ARMC3: variants seen among roughly 807,000 people sequenced by gnomAD.
ARMC3 encodes the protein armadillo repeat containing 3.
A neutral mutation model predicts 90.3 loss-of-function variants in ARMC3; 74 were observed. The observed-to-expected ratio is 0.82, with a 90% CI of 0.68 to 0.99. The LOEUF (loss-of-function observed/expected upper bound fraction) is 0.99. ARMC3 is among the 50% of genes least tolerant of loss of function. ARMC3 has a pLI of 0.00. For missense variants in ARMC3, 958 were observed against 1,042.8 expected, an observed-to-expected ratio of 0.92 and a Z score of 1.12; for synonymous variants, 334 against 361.8, an observed-to-expected ratio of 0.92 and a Z score of 0.87.
At position 22,959,302 on chromosome 10, in the gene ARMC3, T is replaced by TA; in HGVS notation, c.362-96dup. ...TAAAAGAGGTGAGCTTTAAGCAAGA[T>TA]ACAATTTGTGGAGCTTTGGTTTCCA... is the stretch of plus-strand genomic sequence containing the variant. On this transcript the variant is annotated intron_variant, in intron 5 of 18. Coordinates refer to ENST00000298032, the MANE Select transcript of ARMC3 (RefSeq NM_173081.5). 2.2e-6 allele frequency: 3 copies of TA among 1,380,686 alleles called. No individual in the cohort carries two copies. The South Asian group carries it at 4.1e-5, about 19-fold the overall frequency. 85.5% of individuals were successfully genotyped at this position (1,380,686 alleles called of 1,614,324 possible).
chr10:22,962,077 A>C lies in ARMC3; in HGVS notation c.731A>C (p.Lys244Thr), dbSNP rs1353964605. 3 of 1,550,990 alleles carry C rather than the reference A, an allele frequency of 1.9e-6. No individual in the cohort carries two copies. Among genetic ancestry groups the C allele is most frequent in the Non-Finnish European group, 2.6e-6 (3 of 1,150,106 alleles). ...LDHLIKILET[K>T]ELNDLHIEAL... ...CATCTTATTAAGATCCTAGAAACTA[A>C]GGTATTTAGTTTCATTCATTCCACC... The change falls in exon 7 of 19, where the codon AAG becomes ACG. Residue 244 changes from lysine to threonine, a missense_variant and splice_region_variant. Coordinates refer to ENST00000298032, the MANE Select transcript of ARMC3 (RefSeq NM_173081.5).
chr10:23,008,432 A>G, intron 15 of ARMC3, 58 bp downstream of exon 15: 2 of 966,740 alleles, frequency 2.1e-6, no homozygotes, highest in Non-Finnish European at 3.1e-6. Flanking sequence ...TTGAGTGTGA[A>G]AAAATGTTTT....
chr10:22,958,468 C>T (rs1477787242), intron 4 of ARMC3, among the ~76,000 whole-genome samples: 1 of 152,100 alleles, frequency 6.6e-6, no homozygotes, highest in Non-Finnish European at 1.5e-5. Flanking sequence ...ACGTAGGGCA[C>T]AGTGACTCAA....
At chr10:22,961,772 T>TA in intron 6 of ARMC3, 112 bp from the exon 7 acceptor site, 1 of 898,374 alleles carries the variant, frequency 1.1e-6, no homozygotes, top group East Asian at 2.9e-5. Flanking sequence ...GAATCTGGAA[T>TA]AAAAGATGGG....
intron 10 of ARMC3, among the ~76,000 whole-genome samples, chr10:22,989,118 G>T (rs10828389): frequency 0.34 from 51,151 of 151,950 alleles, 10,495 homozygotes; most frequent in African/African-American, 0.57. Context: ...ATGGAAGGAT[G>T]GTTCTGTAGT....
At chr10:23,017,448 G>C (rs1378872297) in intron 16 of ARMC3, among the ~76,000 whole-genome samples, 1 of 152,154 alleles carries the variant, frequency 6.6e-6, no homozygotes, top group Non-Finnish European at 1.5e-5. Flanking sequence ...TAGTGTAACA[G>C]ATGCTCAATA....
At chr10:22,973,995 T>C (rs1835805395) in intron 8 of ARMC3, among the ~76,000 whole-genome samples, 1 of 152,036 alleles carries the variant, frequency 6.6e-6, no homozygotes, top group South Asian at 2.1e-4. Flanking sequence ...CCTGACCTCA[T>C]GATCCACCCA....
chr10:23,027,993 T>A (rs151206638), intron 16 of ARMC3, among the ~76,000 whole-genome samples: 4 of 152,202 alleles, frequency 2.6e-5, no homozygotes, highest in Middle Eastern at 3.4e-3. Flanking sequence ...AATAAAAAAA[T>A]TAGCTAAGCA....
At chr10:23,016,807 A>G (rs1838293044) in intron 16 of ARMC3, among the ~76,000 whole-genome samples, 1 of 152,256 alleles carries the variant, frequency 6.6e-6, no homozygotes, top group African/African-American at 2.4e-5. Context: ...CCTTCATGCC[A>G]AATGACTCCT....
chr10:22,990,165 T>TC (rs35072884), intron 10 of ARMC3, among the ~76,000 whole-genome samples: 3,896 of 151,058 alleles, frequency 0.026, 130 homozygotes, highest in African/African-American at 0.079. Flanking sequence ...TTGTGTGATT[T>TC]CCCCCCCCCA....
intron 10 of ARMC3, among the ~76,000 whole-genome samples, chr10:22,983,619 A>G (rs1414789606): frequency 2.0e-5 from 3 of 152,190 alleles, no homozygotes; most frequent in African/African-American, 4.8e-5. Flanking sequence ...CTTGAGGTCT[A>G]TATAATTTTT....
intron 16 of ARMC3, among the ~76,000 whole-genome samples, chr10:23,025,251 A>G (rs1056229268): frequency 2.6e-5 from 4 of 152,144 alleles, no homozygotes; most frequent in African/African-American, 9.7e-5. Context: ...GCAGCAACCA[A>G]CAAGATCTCA....
intron 10 of ARMC3, among the ~76,000 whole-genome samples, chr10:22,985,219 T>C (rs7084413): frequency 0.36 from 54,337 of 151,804 alleles, 12,315 homozygotes; most frequent in African/African-American, 0.64. Flanking sequence ...GAACTGATTA[T>C]GCTGTTATTA....
chr10:22,972,471 T>G (rs898025813), intron 8 of ARMC3, among the ~76,000 whole-genome samples: 1 of 152,242 alleles, frequency 6.6e-6, no homozygotes, highest in Non-Finnish European at 1.5e-5. Flanking sequence ...GCAGATAGTC[T>G]TTAAATCCTT....
In ARMC3 at chr10:23,008,297, A is replaced by C. The variant is rs757323708; in HGVS notation, c.1851A>C (p.Glu617Asp). Residue 617 changes from glutamate to aspartate, a missense_variant, in exon 15 of 19, where the codon GAA becomes GAC. Coordinates refer to ENST00000298032, the MANE Select transcript of ARMC3 (RefSeq NM_173081.5). ...TTAGTTCTCCACCTTCATCTATGGAAGATAAATCAGATGTTGGTTATGGAC... is the reference window on the plus strand; with the variant it reads ...TTAGTTCTCCACCTTCATCTATGGACGATAAATCAGATGTTGGTTATGGAC... ...KSYVSPPSSMEDKSDVGYGRS... is the reference protein window; with the variant it reads ...KSYVSPPSSMDDKSDVGYGRS... 6.5e-7 allele frequency: 1 copy of C among 1,544,354 alleles called. No individual in the cohort carries two copies. Among genetic ancestry groups the C allele is most frequent in the South Asian group, 1.2e-5 (1 of 83,420 alleles).
intron 10 of ARMC3, 46 bp from the exon 11 acceptor site, chr10:22,998,102 T>G: frequency 1.3e-6 from 2 of 1,593,824 alleles, no homozygotes; most frequent in Non-Finnish European, 1.7e-6. Flanking sequence ...AAAGATAATT[T>G]TTTGAATTCA....
chr10:22,947,815 A>G (rs1302340698), intron 3 of ARMC3, among the ~76,000 whole-genome samples: 1 of 152,246 alleles, frequency 6.6e-6, no homozygotes, highest in African/African-American at 2.4e-5. Flanking sequence ...GTTGTAAAAC[A>G]TAAAACATTT....
chr10:22,946,366 T>A (rs980616378), intron 3 of ARMC3, 105 bp downstream of exon 3: 8 of 708,310 alleles, frequency 1.1e-5, no homozygotes, highest in Non-Finnish European at 4.7e-6. Flanking sequence ...TGCTGTCGGA[T>A]GAATTATTTC....
intron 4 of ARMC3, 90 bp downstream of exon 4, chr10:22,956,022 T>C: frequency 8.0e-7 from 1 of 1,254,056 alleles, no homozygotes; most frequent in Non-Finnish European, 1.1e-6. Context: ...TTGTTTCAAT[T>C]TTATTTAAAC....
Sources: allele counts gnomAD v4.1 joint callset (sites outside exome capture counted in the v4.1 genomes callset), GRCh38; gene constraint gnomAD v4.1.1; transcripts MANE v1.5; gene names NCBI Gene and HGNC (gene_info 2026-07-23, HGNC 2026-07-21).